Variants in ADGRL2 observed in about 807,000 individuals in gnomAD.
The protein encoded by ADGRL2 is calcium-independent alpha-latrotoxin receptor 2.
ADGRL2 carries 44 observed loss-of-function variants against 157.4 expected under a neutral mutation model. That is an observed-to-expected ratio of 0.28 (90% CI 0.22 to 0.36). ADGRL2 has a LOEUF of 0.36. ADGRL2 is among the 10% of genes least tolerant of loss of function. The pLI, the probability that ADGRL2 is intolerant of heterozygous loss-of-function variation, is 1.00. For synonymous variants in ADGRL2, 585 were observed against 624.7 expected (o/e 0.94, Z 0.95); for missense variants, 1,510 against 1,768.9 (o/e 0.85, Z 2.63).
At chr1:81,688,028 T>C (rs1324268581) in intron 3 of ADGRL2, among the ~76,000 whole-genome samples, 1 of 152,232 alleles carries the variant, frequency 6.6e-6, no homozygotes, top group Non-Finnish European at 1.5e-5. Context: ...GGGTTTCTGC[T>C]GAGATATCTG....
At chr1:81,657,379 A>G (rs1293757857) in intron 3 of ADGRL2, among the ~76,000 whole-genome samples, 1 of 152,208 alleles carries the variant, frequency 6.6e-6, no homozygotes, top group African/African-American at 2.4e-5. Context: ...ATCTGATGGC[A>G]ATTTGATCTT....
chr1:81,954,632 C>T (rs528112912), intron 10 of ADGRL2, among the ~76,000 whole-genome samples: 16 of 152,094 alleles, frequency 1.1e-4, no homozygotes, highest in Middle Eastern at 3.4e-3. Context: ...TAATGGCTGC[C>T]GCAGTATCAG....
At chr1:81,893,418 G>T (rs1368554142) in intron 2 of ADGRL2, among the ~76,000 whole-genome samples, 2 of 150,224 alleles carry the variant, frequency 1.3e-5, no homozygotes, top group African/African-American at 4.9e-5. Flanking sequence ...GTTGTAAGGG[G>T]AATAAACATT....
chr1:81,309,202 A>G (rs7543284), intron 1 of ADGRL2, among the ~76,000 whole-genome samples: 87,188 of 151,862 alleles, frequency 0.57, 25,488 homozygotes, highest in Non-Finnish European at 0.64. Flanking sequence ...TCAAATTTCA[A>G]GAAGGATTCT....
intron 2 of ADGRL2, among the ~76,000 whole-genome samples, chr1:81,527,998 C>T (rs1189741171): frequency 6.6e-6 from 1 of 151,998 alleles, no homozygotes; most frequent in Non-Finnish European, 1.5e-5. Context: ...ACCCGGGAGG[C>T]GGAGCTTGCA....
chr1:81,685,148 A>G (rs1179502913), intron 3 of ADGRL2, among the ~76,000 whole-genome samples: 3 of 152,076 alleles, frequency 2.0e-5, no homozygotes, highest in Non-Finnish European at 4.4e-5. Flanking sequence ...GAATTTTAGA[A>G]TTGTTTTTTC....
chr1:81,538,071 A>G (rs141941954), intron 2 of ADGRL2, among the ~76,000 whole-genome samples: 1,800 of 152,304 alleles, frequency 0.012, 19 homozygotes, highest in Non-Finnish European at 0.018. Context: ...CGATTTCATA[A>G]TCATGCTTTT....
rs148741458 is a variant in ADGRL2 at position 81,835,430 on chromosome 1, C to T, written c.-100-1455C>T. The stretch of plus-strand genomic sequence containing the variant: ...AAAATGCTTTATGTAGAATAACTTT[C>T]AGGTTTAAGGCAGGCACATTGCTAC... On this transcript the variant is annotated intron_variant, in intron 1 of 23. Coordinates refer to ENST00000686636, the MANE Select transcript of ADGRL2 (RefSeq NM_001366006.2). Among the ~76,000 whole-genome samples, 981 of 152,220 alleles carry T rather than the reference C, an allele frequency of 6.4e-3. 4 individuals are homozygous for T. The highest frequency in any genetic ancestry group is 9.1e-3 in the Non-Finnish European group (618 of 67,992).
intron 1 of ADGRL2, among the ~76,000 whole-genome samples, chr1:81,321,875 T>A (rs1660526897): frequency 1.3e-5 from 2 of 151,672 alleles, no homozygotes; most frequent in East Asian, 3.9e-4. Context: ...GACCAAAGTT[T>A]GCCACAAACC....
chr1:81,522,448 C>T lies in ADGRL2; in HGVS notation c.-247-58428C>T, dbSNP rs191246102. Among the ~76,000 whole-genome samples the T allele has an allele frequency of 2.0e-5, 3 of 152,266 alleles. No individual in the cohort carries two copies. In the East Asian group the frequency reaches 5.8e-4, roughly 29 times the overall value. On this transcript the variant is annotated intron_variant, in intron 2 of 24. Coordinates refer to the ADGRL2 transcript ENST00000370721. ...TACTAGAGGAACATTATAAATATAA[C>T]ATGTCAGTTCAAGAGCTCTTCTTCT...
intron 2 of ADGRL2, among the ~76,000 whole-genome samples, chr1:81,563,708 C>T (rs1302754570): frequency 6.6e-6 from 1 of 152,164 alleles, no homozygotes; most frequent in East Asian, 1.9e-4. Context: ...TCTTCTATTT[C>T]TCATATTAAA....
chr1:81,463,410 C>T (rs530873819), intron 2 of ADGRL2, among the ~76,000 whole-genome samples: 3 of 152,090 alleles, frequency 2.0e-5, no homozygotes, highest in Non-Finnish European at 4.4e-5. Context: ...AAATATAAAT[C>T]CTCCTTGCTA....
chr1:81,615,470 A>G (rs1194920388), intron 3 of ADGRL2, among the ~76,000 whole-genome samples: 2 of 152,178 alleles, frequency 1.3e-5, no homozygotes, highest in East Asian at 3.9e-4. Flanking sequence ...GAAGGTCTGC[A>G]ACTTCACTCC....
At chr1:81,633,210 A>G (rs534217542) in intron 3 of ADGRL2, among the ~76,000 whole-genome samples, 1 of 152,280 alleles carries the variant, frequency 6.6e-6, no homozygotes, top group East Asian at 1.9e-4. Flanking sequence ...GAGTGAATGG[A>G]TAAGGTAATC....
chr1:81,624,231 G>T (rs1327841823), intron 3 of ADGRL2, among the ~76,000 whole-genome samples: 1 of 152,168 alleles, frequency 6.6e-6, no homozygotes, highest in Non-Finnish European at 1.5e-5. Flanking sequence ...TATTATGGAA[G>T]CGCTATGAAA....
At position 81,863,032 on chromosome 1, in the gene ADGRL2, A is replaced by G. The variant is rs549762209; in HGVS notation, c.73+25975A>G. On this transcript the variant is annotated intron_variant, in intron 2 of 23. Coordinates refer to ENST00000686636, the MANE Select transcript of ADGRL2 (RefSeq NM_001366006.2). Reference sequence around the variant, plus strand: ...ATCATGTTTATACTTTTTCAAGGGAATATTCTGTATAGACTTTTTAAAGAC... The same window carrying G: ...ATCATGTTTATACTTTTTCAAGGGAGTATTCTGTATAGACTTTTTAAAGAC... Among the ~76,000 whole-genome samples, 10 of 152,300 alleles carry G rather than the reference A, an allele frequency of 6.6e-5. No individual in the cohort carries two copies. The South Asian group carries it at 2.1e-3, about 32-fold the overall frequency.
chr1:81,543,464 A>G (rs904636617), intron 2 of ADGRL2, among the ~76,000 whole-genome samples: 18 of 152,232 alleles, frequency 1.2e-4, no homozygotes, highest in Admixed American at 3.3e-4. Context: ...TCTGCTGTTT[A>G]TAAGCCACCC....
At chr1:81,582,032 C>A (rs1392995132) in intron 3 of ADGRL2, among the ~76,000 whole-genome samples, 3 of 151,960 alleles carry the variant, frequency 2.0e-5, no homozygotes, top group African/African-American at 7.3e-5. Context: ...ACCAGCCTGG[C>A]CAACATGGTG....
At chr1:81,810,706 G>A (rs1224969216) in intron 1 of ADGRL2, among the ~76,000 whole-genome samples, 1 of 151,578 alleles carries the variant, frequency 6.6e-6, no homozygotes, top group African/African-American at 2.4e-5. Flanking sequence ...GTTTGATGAA[G>A]GCTTAATGTA....
Sources: allele counts gnomAD v4.1 joint callset (sites outside exome capture counted in the v4.1 genomes callset), GRCh38; gene constraint gnomAD v4.1.1; transcripts MANE v1.5; gene names NCBI Gene and HGNC (gene_info 2026-07-23, HGNC 2026-07-21).